Variants in IFNLR1 observed in about 807,000 individuals in gnomAD.
IFNLR1 encodes interferon lambda receptor 1.
Under a neutral mutation model 52.5 loss-of-function variants are expected in IFNLR1, and 28 were observed. That is an observed-to-expected ratio of 0.53 (90% CI 0.40 to 0.73). The LOEUF (loss-of-function observed/expected upper bound fraction) is 0.73. Ranked by LOEUF, IFNLR1 falls within the 30% of genes least tolerant of loss-of-function variation. The pLI, the probability that IFNLR1 is intolerant of heterozygous loss-of-function variation, is 0.00. For synonymous variants in IFNLR1, 276 were observed against 274.9 expected (o/e 1.00, Z -0.04); for missense variants, 623 against 659.1 (o/e 0.95, Z 0.60).
chr1:24,157,255 G>A lies in IFNLR1; in HGVS notation c.1438C>T (p.Pro480Ser). The A allele has an allele frequency of 6.2e-7, 1 of 1,614,138 alleles. No individual in the cohort carries two copies. Among genetic ancestry groups the A allele is most frequent in the Non-Finnish European group, 8.5e-7 (1 of 1,180,022 alleles). The change falls in exon 7 of 7, where the codon CCT becomes TCT. Residue 480 changes from proline to serine, a missense_variant. By Grantham distance (74) the Pro-to-Ser change is moderately conservative (BLOSUM62 -1). Coordinates refer to ENST00000327535, the MANE Select transcript of IFNLR1 (RefSeq NM_170743.4). This position sits in a 1 kb window ranked among gnomAD's most constrained non-coding sequence, Gnocchi z 5.1. ...TCCCTCGCCTCCTCTTCCTCCTCAGGGCTGCTTTCCCAGCAGAAGGTCAGT... is the reference window on the plus strand; with the variant it reads ...TCCCTCGCCTCCTCTTCCTCCTCAGAGCTGCTTTCCCAGCAGAAGGTCAGT... Reference protein sequence around the residue: ...QTLTFCWESSPEEEEEARESE... With the variant: ...QTLTFCWESSSEEEEEARESE...
chr1:24,185,985 T>A (rs1644734589), intron 1 of IFNLR1, among the ~76,000 whole-genome samples: 1 of 152,206 alleles, frequency 6.6e-6, no homozygotes, highest in Non-Finnish European at 1.5e-5. Context: ...GGAGCCAGTA[T>A]TTGAACTTAG....
intron 6 of IFNLR1, among the ~76,000 whole-genome samples, chr1:24,158,495 A>G (rs937510433): frequency 2.0e-5 from 3 of 152,130 alleles, no homozygotes; most frequent in Non-Finnish European, 4.4e-5. Flanking sequence ...CCATCCTCAA[A>G]GCCCCCATGC....
intron 2 of IFNLR1, among the ~76,000 whole-genome samples, chr1:24,173,587 AT>A (rs1202230472): frequency 6.6e-6 from 1 of 150,884 alleles, no homozygotes; most frequent in African/African-American, 2.5e-5. Flanking sequence ...CCCTAGATCC[AT>A]TTTTCTTCTC....
rs1286621504 is a variant in IFNLR1 at position 24,157,789 on chromosome 1, C to T, written c.904G>A (p.Val302Ile). ...GCCCTGACTCGAGGCGTCGGCCTGA[C>T]CCCTCTGGTCAGTTCCTTTTGGGGA... The part of the protein sequence containing the change: ...LCPQKELTRG[V>I]RPTPRVRAPA... Residue 302 changes from valine to isoleucine, a missense_variant, in exon 7 of 7, where the codon GTC (valine) becomes ATC (isoleucine). Transcript: ENST00000327535. The surrounding 1 kb of genome is among the most constrained non-coding windows in gnomAD (Gnocchi z 5.1). 6 of 1,614,068 alleles carry T rather than the reference C, an allele frequency of 3.7e-6. No homozygotes were observed. Among genetic ancestry groups the T allele is most frequent in the Non-Finnish European group, 5.1e-6 (6 of 1,180,038 alleles).
At chr1:24,170,442 C>A (rs1429546429) in intron 2 of IFNLR1, among the ~76,000 whole-genome samples, 1 of 152,150 alleles carries the variant, frequency 6.6e-6, no homozygotes, top group African/African-American at 2.4e-5. Context: ...CTCACTGCAA[C>A]CTCCGCCTCC....
In IFNLR1 at chr1:24,159,128, A is replaced by G. The variant is rs1180508498; in HGVS notation, c.725T>C (p.Ile242Thr). The G allele has an allele frequency of 1.9e-6, 3 of 1,614,194 alleles. No homozygotes were observed. The South Asian group carries it at 3.3e-5, about 18-fold the overall frequency. The stretch of plus-strand genomic sequence containing the variant: ...CTTCCAGATCACACCCCCTGCGGCA[A>G]TTACTAACAGCAGTATCAGAAGCGA... ...LPSLLILLLVIAAGGVIWKTL... is the reference protein window; with the variant it reads ...LPSLLILLLVTAAGGVIWKTL... Residue 242 changes from isoleucine (I) to threonine (T), a missense_variant, in exon 6 of 7, where the codon ATT (isoleucine) becomes ACT (threonine). Ile to Thr is a moderately conservative substitution (Grantham distance 89). Coordinates refer to ENST00000327535, the MANE Select transcript of IFNLR1 (RefSeq NM_170743.4).
intron 1 of IFNLR1, among the ~76,000 whole-genome samples, chr1:24,184,482 C>T (rs890487909): frequency 3.3e-5 from 5 of 152,098 alleles, no homozygotes; most frequent in African/African-American, 1.2e-4. Flanking sequence ...CCTGGCCTGG[C>T]CTGGCCAGGC....
chr1:24,166,257 CA>C (rs1481273226), intron 3 of IFNLR1, among the ~76,000 whole-genome samples: 1 of 151,806 alleles, frequency 6.6e-6, no homozygotes, highest in Non-Finnish European at 1.5e-5. Flanking sequence ...CCTTTCTAAC[CA>C]ATATTTTTTT....
Position 24,157,991 on chromosome 1 carries a change from T to A in IFNLR1, c.802-100A>T, listed in dbSNP as rs942451759. The A allele has an allele frequency of 6.9e-5, 80 of 1,159,966 alleles. No individual in the cohort carries two copies. The highest frequency in any genetic ancestry group is 9.2e-5 in the Non-Finnish European group (76 of 828,100). The allele number at this position is 1,159,966 out of a possible 1,614,324, so 71.9% of individuals were successfully genotyped here. ...CTAGAAACAGACCTCAGACAAGGCT[T>A]CAAGTGTAAGCAGTTTCTTTGGGAG... On this transcript the variant is annotated intron_variant, in intron 6 of 6. Coordinates refer to ENST00000327535, the MANE Select transcript of IFNLR1 (RefSeq NM_170743.4). The surrounding 1 kb of genome is among the most constrained non-coding windows in gnomAD (Gnocchi z 5.1).
intron 3 of IFNLR1, among the ~76,000 whole-genome samples, chr1:24,162,875 CTT>C (rs1491110820): frequency 7.9e-5 from 6 of 75,682 alleles, no homozygotes; most frequent in Non-Finnish European, 1.0e-4. Context: ...TTCTTTCTTT[CTT>C]TCCTTCCTTC....
intron 3 of IFNLR1, among the ~76,000 whole-genome samples, chr1:24,167,813 G>A (rs1240854833): frequency 6.6e-6 from 1 of 152,120 alleles, no homozygotes; most frequent in African/African-American, 2.4e-5. Flanking sequence ...TCCTGCCTTA[G>A]CCTCCCCAGC....
At chr1:24,160,457 G>A (rs74060533) in intron 4 of IFNLR1, among the ~76,000 whole-genome samples, 2,045 of 152,264 alleles carry the variant, frequency 0.013, 43 homozygotes, top group African/African-American at 0.045. Flanking sequence ...ATTAAAATTC[G>A]ATTTACCTGT....
In IFNLR1 at chr1:24,186,977, T is replaced by C. The variant is rs572236698; in HGVS notation, c.58+214A>G. 1.4e-3 allele frequency among the ~76,000 whole-genome samples: 220 copies of C among 152,352 alleles called. 3 individuals are homozygous for C. Among genetic ancestry groups the C allele is most frequent in the Admixed American group, 0.014 (219 of 15,308 alleles). ...CCTGAAGCTGGAAGCATTAGGAAAC[T>C]GGATTCGTTTCCTGCGGGAGAGGAA... On this transcript the variant is annotated intron_variant, in intron 1 of 6. Transcript: ENST00000327535.
chr1:24,162,723 C>CT (rs139240519), intron 3 of IFNLR1, among the ~76,000 whole-genome samples: 1 of 110,468 alleles, frequency 9.1e-6, no homozygotes, highest in Non-Finnish European at 1.9e-5. Context: ...TTCTTTCTTT[C>CT]TTTTCTTTCT....
intron 2 of IFNLR1, among the ~76,000 whole-genome samples, chr1:24,172,434 A>G (rs2148597380): frequency 6.6e-6 from 1 of 152,246 alleles, no homozygotes; most frequent in Admixed American, 6.5e-5. Flanking sequence ...ATAAAACCTA[A>G]TTAGAAAAAC....
chr1:24,180,347 T>C (rs1207305258), intron 2 of IFNLR1, among the ~76,000 whole-genome samples: 1 of 151,552 alleles, frequency 6.6e-6, no homozygotes, highest in African/African-American at 2.4e-5. Flanking sequence ...GGATGCCTAA[T>C]TGCCCAGGTA....
intron 3 of IFNLR1, among the ~76,000 whole-genome samples, chr1:24,162,888 C>T (rs186289750): frequency 0.03 from 1,281 of 43,242 alleles, 87 homozygotes; most frequent in African/African-American, 0.047. Context: ...TCCTTCCTTC[C>T]TTCCTTCCTT....
rs1553161946 is a variant in IFNLR1, at chr1:24,159,726, G to GTTTTGTTTTTTTTGTT, written c.511-94_511-93insAACAAAAAAAACAAAA. On this transcript the variant is annotated intron_variant, in intron 4 of 6. Transcript: ENST00000327535. Reference sequence around the variant, plus strand: ...GTGGGGTTGGCAGACATGGTAGGGTGTTTTTTTTTTGTTTTTTTTTTTTGT... The same window carrying GTTTTGTTTTTTTTGTT: ...GTGGGGTTGGCAGACATGGTAGGGTGTTTTGTTTTTTTTGTTTTTTTTTTTTGTTTTTTTTTTTTGT... 1,449 of 761,994 alleles carry GTTTTGTTTTTTTTGTT rather than the reference G, an allele frequency of 1.9e-3. 23 individuals are homozygous for GTTTTGTTTTTTTTGTT. Among genetic ancestry groups the GTTTTGTTTTTTTTGTT allele is most frequent in the East Asian group, 6.7e-3 (212 of 31,718 alleles). 47.2% of individuals were successfully genotyped at this position (761,994 alleles called of 1,614,324 possible). A position where few individuals can be genotyped will look rare whatever the true frequency, so the allele number is the denominator to read the frequency against.
Position 24,162,165 on chromosome 1 carries a change from G to A in IFNLR1, c.368-481C>T, listed in dbSNP as rs544842440. Among the ~76,000 whole-genome samples, 3 of 152,360 alleles carry A rather than the reference G, an allele frequency of 2.0e-5. No homozygotes were observed. In the East Asian group the frequency reaches 5.8e-4, roughly 29 times the overall value. On this transcript the variant is annotated intron_variant, in intron 3 of 6. Coordinates refer to ENST00000327535, the MANE Select transcript of IFNLR1 (RefSeq NM_170743.4). Reference sequence around the variant, plus strand: ...GGTCTCACATCTGGAACCGATGGGGGAGAAGACACTTCCAAGCCCCCTTGG... The same window carrying A: ...GGTCTCACATCTGGAACCGATGGGGAAGAAGACACTTCCAAGCCCCCTTGG...
Sources: gnomAD v4.1 joint callset for allele counts (sites outside exome capture counted in the v4.1 genomes callset) on GRCh38, gnomAD v4.1.1 for gene constraint, Gnocchi (gnomAD v3.1) non-coding constraint, MANE v1.5 for transcripts, NCBI Gene and HGNC (gene_info 2026-07-23, HGNC 2026-07-21) for gene names.